Variants in GRIN3A observed in about 807,000 individuals in gnomAD.
The protein encoded by GRIN3A is glutamate ionotropic receptor NMDA type subunit 3A.
GRIN3A carries 47 observed loss-of-function variants against 92.4 expected under a neutral mutation model. That is an observed-to-expected ratio of 0.51 (90% confidence interval 0.40 to 0.65). The LOEUF (loss-of-function observed/expected upper bound fraction) is 0.65, where lower values mean the gene tolerates loss of function less well. GRIN3A is among the 30% of genes least tolerant of loss of function. The pLI is 0.00. For missense variants in GRIN3A, 1,324 were observed against 1,393.1 expected, an observed-to-expected ratio of 0.95 and a Z score of 0.79; for synonymous variants, 527 against 540.6, an observed-to-expected ratio of 0.97 and a Z score of 0.35.
At chr9:101,735,507 A>G (rs1158716874) in intron 1 of GRIN3A, among the ~76,000 whole-genome samples, 1 of 151,690 alleles carries the variant, frequency 6.6e-6, no homozygotes, top group Non-Finnish European at 1.5e-5. Flanking sequence ...CATCCGTTCT[A>G]GAACACAACT....
intron 3 of GRIN3A, among the ~76,000 whole-genome samples, chr9:101,643,611 A>G (rs1828895120): frequency 6.6e-6 from 1 of 151,866 alleles, no homozygotes. Context: ...CATGTTTATT[A>G]CAGCACTATT....
At chr9:101,713,379 G>A (rs1287771544) in intron 1 of GRIN3A, among the ~76,000 whole-genome samples, 1 of 152,128 alleles carries the variant, frequency 6.6e-6, no homozygotes, top group East Asian at 1.9e-4. Context: ...CCAACAAAAA[G>A]GGCATATCAG....
chr9:101,724,018 G>A (rs1830049682), intron 1 of GRIN3A, among the ~76,000 whole-genome samples: 1 of 152,114 alleles, frequency 6.6e-6, no homozygotes, highest in Non-Finnish European at 1.5e-5. Context: ...GGTTCTCCAC[G>A]TCCCCACCAG....
In GRIN3A at chr9:101,737,419, G is replaced by A. The variant is rs1830223924; in HGVS notation, c.561C>T (p.Thr187=). ...PFSFLQSVCH[T]VVVQGVSALL... Reference sequence around the variant, plus strand: ...GCGCCGACACCCCTTGCACCACCACGGTATGGCACACACTTTGCAGGAAGG... The same window carrying A: ...GCGCCGACACCCCTTGCACCACCACAGTATGGCACACACTTTGCAGGAAGG... Residue 187 remains threonine, a synonymous_variant, in exon 1 of 9, where the codon ACC becomes ACT. Transcript: ENST00000361820. The A allele has an allele frequency of 6.2e-7, 1 of 1,614,236 alleles. No individual in the cohort carries two copies.
chr9:101,640,908 G>A (rs1042111949), intron 3 of GRIN3A, among the ~76,000 whole-genome samples: 3 of 151,986 alleles, frequency 2.0e-5, no homozygotes, highest in South Asian at 2.1e-4. Context: ...TTCCAGTCTC[G>A]GTATGTCTTT....
rs533956695 is a variant in GRIN3A at position 101,724,335 on chromosome 9, G to A, written c.699+12946C>T. 4.0e-3 allele frequency among the ~76,000 whole-genome samples: 612 copies of A among 152,288 alleles called. 1 individual carries two copies. Among genetic ancestry groups the A allele is most frequent in the African/African-American group, 0.012 (505 of 41,572 alleles). ...CTGGCACTGCTGGGGGACCCAGTAC[G>A]CCCTCCGCAGCCTCTGGCCCGGGTG... is the stretch of plus-strand genomic sequence containing the variant. On this transcript the variant is annotated intron_variant, in intron 1 of 8. Transcript: ENST00000361820.
chr9:101,573,945 T>G, intron 8 of GRIN3A, among the ~76,000 whole-genome samples: 1 of 152,114 alleles, frequency 6.6e-6, no homozygotes, highest in Non-Finnish European at 1.5e-5. Context: ...AGCATCAACC[T>G]GCTGACAGAT....
chr9:101,707,190 C>T (rs763876092), intron 1 of GRIN3A, among the ~76,000 whole-genome samples: 3 of 152,156 alleles, frequency 2.0e-5, no homozygotes, highest in Non-Finnish European at 4.4e-5. Flanking sequence ...TGGAGTGTAG[C>T]AGTATGCACA....
intron 4 of GRIN3A, among the ~76,000 whole-genome samples, chr9:101,624,031 C>A (rs1828594965): frequency 6.6e-6 from 1 of 152,150 alleles, no homozygotes; most frequent in Non-Finnish European, 1.5e-5. Context: ...TCTTTGTTTT[C>A]AGCCACTTCC....
At chr9:101,736,298 C>T (rs1830205114) in intron 1 of GRIN3A, among the ~76,000 whole-genome samples, 1 of 152,152 alleles carries the variant, frequency 6.6e-6, no homozygotes, top group South Asian at 2.1e-4. Flanking sequence ...ATACTTTGTG[C>T]AAGGCTTAAC....
chr9:101,604,544 C>G (rs183926505), intron 6 of GRIN3A, among the ~76,000 whole-genome samples: 6 of 152,150 alleles, frequency 3.9e-5, no homozygotes, highest in African/African-American at 1.4e-4. Flanking sequence ...TTGATATACA[C>G]GAGTTTTCAA....
chr9:101,573,123 CA>C lies in GRIN3A; in HGVS notation c.*50del. The C allele has an allele frequency of 6.8e-7, 1 of 1,466,132 alleles. No homozygotes were observed. The highest frequency in any genetic ancestry group is 9.6e-7 in the Non-Finnish European group (1 of 1,045,554). 90.8% of individuals were successfully genotyped at this position (1,466,132 alleles called of 1,614,324 possible). On this transcript the variant is annotated 3_prime_UTR_variant, in exon 9 of 9. Transcript: ENST00000361820. ...TACAAAAGAGCATTACAAAGTGTCT[CA>C]AGGGCTCAGAGGAAGGTCAGGAACT...
At chr9:101,582,533 C>T (rs1018892705) in intron 6 of GRIN3A, among the ~76,000 whole-genome samples, 40 of 152,286 alleles carry the variant, frequency 2.6e-4, no homozygotes, top group African/African-American at 9.1e-4. Flanking sequence ...AGGGATTTTC[C>T]TGGGACATCT....
rs1240811194 is a variant in GRIN3A, at chr9:101,572,262, A to G, written c.*912T>C. On this transcript the variant is annotated 3_prime_UTR_variant, in exon 9 of 9. Transcript: ENST00000361820. ...TGTAGAACATTTCACCCACAGTGTC[A>G]CATATTCCATTATAGGCAATAAGGG... 5 of 152,676 alleles carry G rather than the reference A, an allele frequency of 3.3e-5. No individual in the cohort carries two copies. Among genetic ancestry groups the G allele is most frequent in the Non-Finnish European group, 5.9e-5 (4 of 68,046 alleles). 9.5% of individuals were successfully genotyped at this position (152,676 alleles called of 1,614,324 possible).
chr9:101,663,671 A>G (rs1244919422), intron 3 of GRIN3A, among the ~76,000 whole-genome samples: 1 of 148,182 alleles, frequency 6.7e-6, no homozygotes, highest in Non-Finnish European at 1.5e-5. Context: ...ATTTCCTACT[A>G]AGGCTCTGCC....
At chr9:101,594,579 C>T in intron 6 of GRIN3A, 1 of 1,614,170 alleles carries the variant, frequency 6.2e-7, no homozygotes, top group African/African-American at 1.3e-5. Flanking sequence ...ATCTTCAGCA[C>T]CTGGAAGAGC....
At chr9:101,595,340 A>T (rs1828110039) in intron 6 of GRIN3A, among the ~76,000 whole-genome samples, 1 of 151,114 alleles carries the variant, frequency 6.6e-6, no homozygotes, top group Non-Finnish European at 1.5e-5. Flanking sequence ...TTCTCTGAGA[A>T]AGTAAACCCC....
chr9:101,699,134 G>GT (rs1181388677), intron 1 of GRIN3A, among the ~76,000 whole-genome samples: 1 of 152,054 alleles, frequency 6.6e-6, no homozygotes, highest in Non-Finnish European at 1.5e-5. Context: ...TATTCTATAA[G>GT]TTTTTTTGTA....
chr9:101,689,217 T>A (rs1457211177), intron 1 of GRIN3A, among the ~76,000 whole-genome samples: 1 of 152,188 alleles, frequency 6.6e-6, no homozygotes, highest in East Asian at 1.9e-4. Flanking sequence ...TATTCCTAAG[T>A]GTTTTCTTGG....
Sources: gnomAD v4.1 joint callset for allele counts (sites outside exome capture counted in the v4.1 genomes callset) on GRCh38, gnomAD v4.1.1 for gene constraint, MANE v1.5 for transcripts, NCBI Gene and HGNC (gene_info 2026-07-23, HGNC 2026-07-21) for gene names.